Variants in SNTG1 observed in about 807,000 individuals in gnomAD.
The protein encoded by SNTG1 is syntrophin gamma 1.
SNTG1 carries 39 observed loss-of-function variants against 74.7 expected under a neutral mutation model. That is an observed-to-expected ratio of 0.52 (90% CI 0.40 to 0.68). SNTG1 has a LOEUF of 0.68. Among genes scored for constraint, SNTG1 ranks in the 30% least tolerant of loss-of-function variants. The pLI, the probability that SNTG1 is intolerant of heterozygous loss-of-function variation, is 0.00. For missense variants in SNTG1, 685 were observed against 609.5 expected (o/e 1.12, Z -1.30); for synonymous variants, 254 against 217.1 (o/e 1.17, Z -1.49).
intron 4 of SNTG1, among the ~76,000 whole-genome samples, chr8:50,419,676 A>C (rs527399096): frequency 6.6e-6 from 1 of 152,250 alleles, no homozygotes; most frequent in South Asian, 2.1e-4. Context: ...GAAACAAGAA[A>C]ATTCTCACCT....
intron 1 of SNTG1, among the ~76,000 whole-genome samples, chr8:50,087,311 A>AAG (rs1822985998): frequency 6.6e-6 from 1 of 152,194 alleles, no homozygotes; most frequent in East Asian, 1.9e-4. Context: ...CGATTGTAAC[A>AAG]AGACTAGTGC....
chr8:50,523,621 G>C (rs1241852460), intron 9 of SNTG1, among the ~76,000 whole-genome samples: 3 of 152,136 alleles, frequency 2.0e-5, no homozygotes, highest in Non-Finnish European at 4.4e-5. Context: ...TAAGTTCCTT[G>C]CCTTATGTGG....
At chr8:50,247,913 A>C (rs1449418924) in intron 2 of SNTG1, among the ~76,000 whole-genome samples, 1 of 152,070 alleles carries the variant, frequency 6.6e-6, no homozygotes, top group African/African-American at 2.4e-5. Flanking sequence ...AAGAAGTCTG[A>C]GATCAAGTTG....
intron 2 of SNTG1, among the ~76,000 whole-genome samples, chr8:50,175,174 C>T (rs961184807): frequency 8.5e-5 from 13 of 152,056 alleles, no homozygotes; most frequent in East Asian, 1.9e-4. Flanking sequence ...AATAAACATA[C>T]GTGTGCATGT....
intron 9 of SNTG1, among the ~76,000 whole-genome samples, chr8:50,515,113 A>G (rs1357899328): frequency 1.3e-5 from 2 of 152,208 alleles, no homozygotes; most frequent in South Asian, 2.1e-4. Flanking sequence ...ATCATTAAAT[A>G]TAAAGAGAGT....
At chr8:50,618,001 A>G (rs999618178) in intron 13 of SNTG1, among the ~76,000 whole-genome samples, 3 of 152,200 alleles carry the variant, frequency 2.0e-5, no homozygotes, top group African/African-American at 7.2e-5. Flanking sequence ...CCTTACTCTC[A>G]GTATATGGAA....
chr8:50,613,643 C>T (rs2094866414), intron 13 of SNTG1, among the ~76,000 whole-genome samples: 1 of 152,082 alleles, frequency 6.6e-6, no homozygotes, highest in Admixed American at 6.6e-5. Context: ...AATACACATA[C>T]ATGGCTGGTG....
chr8:50,119,993 T>C (rs1212877267), intron 1 of SNTG1, among the ~76,000 whole-genome samples: 1 of 142,116 alleles, frequency 7.0e-6, no homozygotes, highest in Non-Finnish European at 1.6e-5. Flanking sequence ...CATGATAATT[T>C]AGTTTCTTGC....
chr8:50,501,418 C>T lies in SNTG1; in HGVS notation c.364-1360C>T, dbSNP rs186820489. Among the ~76,000 whole-genome samples, 14 of 137,252 alleles carry T rather than the reference C, an allele frequency of 1.0e-4. No individual in the cohort carries two copies. In the East Asian group the frequency reaches 2.7e-3, roughly 27 times the overall value. The allele number at this position is 137,252 out of a possible 152,430, so 90.0% of individuals were successfully genotyped here. On this transcript the variant is annotated intron_variant, in intron 8 of 18. Transcript: ENST00000642720. ...TTGGGGAGGAGCAGAGAGAGATGAG[C>T]CTGTGCGTTTTTTTTTTTTTTTTTT... is the stretch of plus-strand genomic sequence containing the variant.
intron 2 of SNTG1, among the ~76,000 whole-genome samples, chr8:50,265,570 G>C (rs1364573291): frequency 6.6e-6 from 1 of 152,020 alleles, no homozygotes; most frequent in African/African-American, 2.4e-5. Flanking sequence ...AGCAAGAAAA[G>C]AGTATTTGCT....
chr8:50,519,995 CA>C, intron 9 of SNTG1, among the ~76,000 whole-genome samples: 1 of 152,156 alleles, frequency 6.6e-6, no homozygotes, highest in African/African-American at 2.4e-5. Flanking sequence ...CAATCCTAAG[CA>C]AAAAGAACAA....
chr8:50,366,246 G>A (rs2092105568), intron 2 of SNTG1, among the ~76,000 whole-genome samples: 1 of 152,178 alleles, frequency 6.6e-6, no homozygotes. Context: ...ATAGCTCAAT[G>A]CTTGCAGATG....
intron 15 of SNTG1, among the ~76,000 whole-genome samples, chr8:50,677,969 G>T (rs2095315726): frequency 6.6e-6 from 1 of 151,742 alleles, no homozygotes; most frequent in Non-Finnish European, 1.5e-5. Flanking sequence ...CATACACCAG[G>T]GCGTGTGGGG....
chr8:50,190,745 C>T (rs947797346), intron 2 of SNTG1, among the ~76,000 whole-genome samples: 1 of 152,242 alleles, frequency 6.6e-6, no homozygotes. Context: ...TGTTGACAAA[C>T]AGCAAGATCC....
At chr8:50,182,012 A>G (rs1438015354) in intron 2 of SNTG1, among the ~76,000 whole-genome samples, 1 of 152,200 alleles carries the variant, frequency 6.6e-6, no homozygotes, top group Non-Finnish European at 1.5e-5. Flanking sequence ...CAGATTTTCA[A>G]AATTATTCTA....
chr8:50,248,866 C>G (rs931950002), intron 2 of SNTG1, among the ~76,000 whole-genome samples: 1 of 152,116 alleles, frequency 6.6e-6, no homozygotes, highest in Non-Finnish European at 1.5e-5. Context: ...TCTATTCTCA[C>G]TTTACAAATA....
chr8:50,616,914 C>A lies in SNTG1; in HGVS notation c.849+25997C>A, dbSNP rs115171443. On this transcript the variant is annotated intron_variant, in intron 13 of 18. Transcript: ENST00000642720. ...CCCAGCTGTAGTGATCTACTTGCTA[C>A]CCATCTACACAACAGCTGCATTCCC... 2.0e-3 allele frequency among the ~76,000 whole-genome samples: 297 copies of A among 152,084 alleles called. 3 individuals carry two copies. Among genetic ancestry groups the A allele is most frequent in the African/African-American group, 6.9e-3 (285 of 41,456 alleles).
At chr8:50,011,190 A>G (rs13255893) in intron 1 of SNTG1, among the ~76,000 whole-genome samples, 16,785 of 152,208 alleles carry the variant, frequency 0.11, 1,116 homozygotes, top group South Asian at 0.21. Flanking sequence ...AAGAACTAGA[A>G]CATGACAAAC....
chr8:50,196,173 G>C (rs2083761811), intron 2 of SNTG1, among the ~76,000 whole-genome samples: 1 of 152,260 alleles, frequency 6.6e-6, no homozygotes, highest in South Asian at 2.1e-4. Context: ...TTCTCTATCT[G>C]AGTTGACCAG....
Sources: allele counts gnomAD v4.1 joint callset (sites outside exome capture counted in the v4.1 genomes callset), GRCh38; gene constraint gnomAD v4.1.1; transcripts MANE v1.5; gene names NCBI Gene and HGNC (gene_info 2026-07-23, HGNC 2026-07-21).